Variants in ATP10B observed in about 807,000 individuals in gnomAD.
ATP10B encodes the protein ATPase phospholipid transporting 10B (putative).
ATP10B carries 122 observed loss-of-function variants against 141.2 expected under a neutral mutation model. That is an observed-to-expected ratio of 0.86 (90% CI 0.75 to 1.00). The LOEUF (loss-of-function observed/expected upper bound fraction) is 1.00. Ranked by LOEUF, ATP10B falls within the 50% of genes least tolerant of loss-of-function variation. The probability of loss-of-function intolerance (pLI) is 0.00; values close to 1 mark genes in which losing one functional copy is unlikely to be tolerated. For missense variants in ATP10B, 1,876 were observed against 1,825.3 expected (o/e 1.03, Z -0.51); for synonymous variants, 685 against 692.0 (o/e 0.99, Z 0.16).
chr5:160,777,934 A>G (rs1770451860), intron 2 of ATP10B, among the ~76,000 whole-genome samples: 1 of 151,824 alleles, frequency 6.6e-6, no homozygotes. Context: ...GTAACAGGTG[A>G]AAAAAACCAC....
chr5:160,821,776 A>C (rs1460358519), intron 1 of ATP10B, among the ~76,000 whole-genome samples: 1 of 152,068 alleles, frequency 6.6e-6, no homozygotes, highest in Non-Finnish European at 1.5e-5. Flanking sequence ...AGTCTCGTTA[A>C]TAAATGGTGC....
intron 1 of ATP10B, among the ~76,000 whole-genome samples, chr5:160,828,687 T>C (rs369761707): frequency 2.0e-4 from 30 of 151,920 alleles, no homozygotes; most frequent in African/African-American, 6.1e-4. Flanking sequence ...TACCATTTGA[T>C]CCAGCCATCC....
intron 6 of ATP10B, 135 bp from the exon 7 acceptor site, chr5:160,670,802 C>T (rs2127725727): frequency 1.4e-6 from 1 of 721,762 alleles, no homozygotes; most frequent in South Asian, 1.8e-5. Context: ...TGTATTCTAC[C>T]TTACCCCTGA....
chr5:160,615,511 C>A (rs1052135916), intron 17 of ATP10B, among the ~76,000 whole-genome samples: 16 of 151,698 alleles, frequency 1.1e-4, no homozygotes, highest in Admixed American at 1.3e-4. Flanking sequence ...CTTGTTGCAG[C>A]CCCAAAGCCT....
intron 24 of ATP10B, among the ~76,000 whole-genome samples, chr5:160,571,161 C>T (rs1310673325): frequency 1.3e-5 from 2 of 152,016 alleles, no homozygotes; most frequent in African/African-American, 4.8e-5. Flanking sequence ...TATTTCATTC[C>T]CTCTCTCATT....
chr5:160,793,436 G>T, intron 1 of ATP10B, among the ~76,000 whole-genome samples: 1 of 152,140 alleles, frequency 6.6e-6, no homozygotes, highest in Middle Eastern at 3.2e-3. Context: ...TTCAACAATT[G>T]TGTGGTGTAA....
chr5:160,807,378 T>A (rs1022579181), intron 1 of ATP10B, among the ~76,000 whole-genome samples: 1 of 152,158 alleles, frequency 6.6e-6, no homozygotes, highest in Non-Finnish European at 1.5e-5. Context: ...ATGGACTTTT[T>A]AAGTTAGAGC....
intron 8 of ATP10B, among the ~76,000 whole-genome samples, chr5:160,647,446 C>T (rs1286346586): frequency 6.6e-6 from 1 of 152,174 alleles, no homozygotes; most frequent in Non-Finnish European, 1.5e-5. Flanking sequence ...GGAGGAAGGA[C>T]AGGTCTCCCA....
chr5:160,864,511 A>C, the ATP10B span, among the ~76,000 whole-genome samples: 2 of 151,764 alleles, frequency 1.3e-5, no homozygotes, highest in Non-Finnish European at 3.0e-5. Context: ...TTTTCCCTAG[A>C]ACAAGACAAG....
At chr5:160,927,763 G>A in the ATP10B span, among the ~76,000 whole-genome samples, 3 of 152,192 alleles carry the variant, frequency 2.0e-5, no homozygotes, top group African/African-American at 7.2e-5. Flanking sequence ...TGGGACTTTT[G>A]TGCTAATGGG....
At chr5:160,633,848 C>T (rs143049085) in intron 12 of ATP10B, 1 of 271,174 alleles carries the variant, frequency 3.7e-6, no homozygotes, top group East Asian at 9.3e-5. Context: ...ACAGTCCAGG[C>T]ATTTTATAGC....
At chr5:160,829,670 C>CA (rs1387098754) in intron 1 of ATP10B, among the ~76,000 whole-genome samples, 78 of 152,152 alleles carry the variant, frequency 5.1e-4, no homozygotes, top group Non-Finnish European at 2.9e-5. Flanking sequence ...AGCAATCTTT[C>CA]ATCTCATTCG....
At chr5:160,881,677 G>T in the ATP10B span, among the ~76,000 whole-genome samples, 3 of 152,020 alleles carry the variant, frequency 2.0e-5, no homozygotes, top group Non-Finnish European at 2.9e-5. Flanking sequence ...CCGGGCGTGG[G>T]GTGGGCGCCT....
chr5:160,679,852 A>G (rs1423121005), intron 6 of ATP10B, among the ~76,000 whole-genome samples: 4 of 152,224 alleles, frequency 2.6e-5, no homozygotes, highest in Admixed American at 1.3e-4. Flanking sequence ...TTCTGAATAC[A>G]AATAAAAATT....
intron 13 of ATP10B, among the ~76,000 whole-genome samples, chr5:160,626,481 G>A (rs896561146): frequency 2.1e-4 from 32 of 152,298 alleles, no homozygotes; most frequent in African/African-American, 7.7e-4. Flanking sequence ...TGAAACAAGC[G>A]AGGCTCATTG....
At chr5:160,863,686 A>G in the ATP10B span, among the ~76,000 whole-genome samples, 1 of 152,058 alleles carries the variant, frequency 6.6e-6, no homozygotes, top group Non-Finnish European at 1.5e-5. Context: ...AAGATAAATA[A>G]AATTGGTAGA....
intron 1 of ATP10B, among the ~76,000 whole-genome samples, chr5:160,819,017 G>T (rs1773902267): frequency 6.6e-6 from 1 of 152,212 alleles, no homozygotes; most frequent in African/African-American, 2.4e-5. Context: ...TGGGAGTGGG[G>T]ACGGATAGCA....
chr5:160,762,862 T>C (rs1769143126), intron 2 of ATP10B, among the ~76,000 whole-genome samples: 1 of 152,060 alleles, frequency 6.6e-6, no homozygotes, highest in African/African-American at 2.4e-5. Context: ...GATAAAGGGA[T>C]GGAAAAAGAT....
chr5:160,799,395 T>C (rs1166759583), intron 1 of ATP10B, among the ~76,000 whole-genome samples: 1 of 152,236 alleles, frequency 6.6e-6, no homozygotes, highest in Non-Finnish European at 1.5e-5. Context: ...ATTATAAATT[T>C]AGTTCCCTTT....
Sources: allele counts gnomAD v4.1 joint callset (sites outside exome capture counted in the v4.1 genomes callset), GRCh38; gene constraint gnomAD v4.1.1; transcripts MANE v1.5; gene names NCBI Gene and HGNC (gene_info 2026-07-23, HGNC 2026-07-21).